The following MLLT3 variants were observed in gnomAD, a reference collection of about 807,000 sequenced individuals.
MLLT3 encodes MLLT3 super elongation complex subunit, also known as protein AF-9.
In MLLT3, 4 loss-of-function variants were observed where a neutral mutation model predicts 53.2. The ratio of observed to expected loss-of-function variants is 0.08; its 90% confidence interval spans 0.04 to 0.17. The LOEUF is 0.17. Among genes scored for constraint, MLLT3 ranks in the 10% least tolerant of loss-of-function variants. The probability of loss-of-function intolerance (pLI) is 1.00; values close to 1 mark genes in which losing one functional copy is unlikely to be tolerated. For missense variants in MLLT3, 569 were observed against 684.0 expected (o/e 0.83, Z 1.87); for synonymous variants, 283 against 230.6 (o/e 1.23, Z -2.06).
rs376592782 is a variant in MLLT3, at chr9:20,360,811, T to C, written c.1362A>G (p.Glu454=). ...GTAGGGGTGAAGAAGCAGAACTGCTTTCACTATCGCTGCCATCACTTAAGC... is the reference window on the plus strand; with the variant it reads ...GTAGGGGTGAAGAAGCAGAACTGCTCTCACTATCGCTGCCATCACTTAAGC... ...RVSLSDGSDS[E]SSSASSPLHH... Residue 454 remains glutamate (E), a synonymous_variant, in exon 8 of 11, where the codon GAA becomes GAG. Transcript: ENST00000380338. 1.2e-6 allele frequency: 2 copies of C among 1,614,058 alleles called. No individual in the cohort carries two copies. Among genetic ancestry groups the C allele is most frequent in the Non-Finnish European group, 1.7e-6 (2 of 1,179,904 alleles).
intron 6 of MLLT3, 96 bp from the exon 7 acceptor site, chr9:20,363,701 G>T: frequency 8.8e-7 from 1 of 1,131,994 alleles, no homozygotes; most frequent in Admixed American, 2.7e-5. Flanking sequence ...ACTGAACACT[G>T]GTTAAAAATA....
intron 2 of MLLT3, among the ~76,000 whole-genome samples, chr9:20,540,387 T>A (rs1431400828): frequency 2.0e-5 from 3 of 152,238 alleles, no homozygotes; most frequent in African/African-American, 7.2e-5. Context: ...GACTTCTGCC[T>A]GGACATCCAG....
At chr9:20,431,890 C>G (rs1486987938) in intron 4 of MLLT3, among the ~76,000 whole-genome samples, 2 of 152,038 alleles carry the variant, frequency 1.3e-5, no homozygotes, top group African/African-American at 2.4e-5. Context: ...TACTATTATA[C>G]CATTTTCATA....
intron 2 of MLLT3, among the ~76,000 whole-genome samples, chr9:20,613,665 T>C (rs1233847988): frequency 1.3e-5 from 2 of 150,780 alleles, no homozygotes; most frequent in African/African-American, 2.4e-5. Flanking sequence ...AAACGGTAAA[T>C]AAATACATAA....
At chr9:20,525,516 A>C (rs1220513659) in intron 2 of MLLT3, among the ~76,000 whole-genome samples, 2 of 152,180 alleles carry the variant, frequency 1.3e-5, no homozygotes, top group East Asian at 3.9e-4. Flanking sequence ...AAAAATAAAG[A>C]CATCTTAGAG....
At position 20,448,302 on chromosome 9, in the gene MLLT3, A is replaced by T; in HGVS notation, c.277-36T>A. 1 of 1,603,394 alleles carries T rather than the reference A, an allele frequency of 6.2e-7. No homozygotes were observed. The highest frequency in any genetic ancestry group is 8.5e-7 in the Non-Finnish European group (1 of 1,175,192). ...ACAAAAATTATGAAAGAAAAAAGAG[A>T]GTGAGGCATAAGTGAAATTTTAAAA... On this transcript the variant is annotated intron_variant, in intron 3 of 10. Transcript: ENST00000380338. This position sits in a 1 kb window ranked among gnomAD's most constrained non-coding sequence, Gnocchi z 4.0.
At chr9:20,383,955 G>A (rs1821967396) in intron 5 of MLLT3, among the ~76,000 whole-genome samples, 1 of 151,872 alleles carries the variant, frequency 6.6e-6, no homozygotes, top group South Asian at 2.1e-4. Flanking sequence ...GAACTGCCTG[G>A]TCAAGTAATA....
At chr9:20,468,719 C>T (rs1824295958) in intron 2 of MLLT3, among the ~76,000 whole-genome samples, 1 of 152,192 alleles carries the variant, frequency 6.6e-6, no homozygotes, top group Admixed American at 6.5e-5. Context: ...AAGCCAGCTT[C>T]CATTTCAGAG....
chr9:20,403,116 T>TA (rs1822496932), intron 5 of MLLT3, among the ~76,000 whole-genome samples: 2 of 149,466 alleles, frequency 1.3e-5, no homozygotes, highest in African/African-American at 5.1e-5. Flanking sequence ...GGGCCCCCTT[T>TA]TAAAAAAAAA....
chr9:20,465,765 G>A (rs1824223883), intron 2 of MLLT3, among the ~76,000 whole-genome samples: 1 of 151,992 alleles, frequency 6.6e-6, no homozygotes, highest in Admixed American at 6.6e-5. Flanking sequence ...TTTCCCCCCT[G>A]CATGGCATTT....
rs760256838 is a variant in MLLT3 at position 20,521,499 on chromosome 9, T to G, written c.194-64713A>C. Among the ~76,000 whole-genome samples the G allele has an allele frequency of 7.4e-4, 112 of 151,830 alleles. 1 individual carries two copies. The highest frequency in any genetic ancestry group is 6.8e-3 in the Middle Eastern group (2 of 292). On this transcript the variant is annotated intron_variant, in intron 2 of 10. Transcript: ENST00000380338. The stretch of plus-strand genomic sequence containing the variant: ...GTGTGTGTGTGTAAATGAGAGAAAA[T>G]GGATGTGAAATGAGTTCAAAACCCT...
chr9:20,550,867 C>A (rs1818908827), intron 2 of MLLT3, among the ~76,000 whole-genome samples: 2 of 152,220 alleles, frequency 1.3e-5, no homozygotes, highest in South Asian at 4.1e-4. Flanking sequence ...AAGCAATCCT[C>A]CCACCTCAGC....
At chr9:20,549,273 C>A (rs1477956951) in intron 2 of MLLT3, among the ~76,000 whole-genome samples, 3 of 152,208 alleles carry the variant, frequency 2.0e-5, no homozygotes, top group Admixed American at 2.0e-4. Context: ...TTTGTGTGAG[C>A]CAAAACACTG....
At chr9:20,470,689 T>C (rs961391546) in intron 2 of MLLT3, among the ~76,000 whole-genome samples, 1 of 151,986 alleles carries the variant, frequency 6.6e-6, no homozygotes, top group Non-Finnish European at 1.5e-5. Flanking sequence ...TCCTGGGATG[T>C]CAAGTACTAT....
chr9:20,412,792 A>C (rs1822762681), intron 5 of MLLT3, among the ~76,000 whole-genome samples: 1 of 152,242 alleles, frequency 6.6e-6, no homozygotes, highest in Non-Finnish European at 1.5e-5. Context: ...ATAGTGAAGT[A>C]AGGAGATAAC....
At position 20,413,950 on chromosome 9, in the gene MLLT3, T is replaced by C. The variant is rs1822797407; in HGVS notation, c.896A>G (p.Lys299Arg). ...AAATAAAGCCTCTGAGCTACTCTTT[T>C]TCCTTTTTTTGGCTGAGAGTTCTTC... is the stretch of plus-strand genomic sequence containing the variant. The part of the protein sequence containing the change: ...DSEELSAKKR[K>R]KSSSEALFKS... The change falls in exon 5 of 11, where the codon AAA becomes AGA. Residue 299 changes from lysine to arginine, a missense_variant. By Grantham distance (26) the Lys-to-Arg change is conservative (BLOSUM62 2). Transcript: ENST00000380338. 6.2e-7 allele frequency: 1 copy of C among 1,613,588 alleles called. No individual in the cohort carries two copies.
At chr9:20,430,504 A>T (rs1823238877) in intron 4 of MLLT3, among the ~76,000 whole-genome samples, 1 of 152,140 alleles carries the variant, frequency 6.6e-6, no homozygotes, top group African/African-American at 2.4e-5. Context: ...GACATGGCGG[A>T]TCATTGATAA....
rs118181150 is a variant in MLLT3 at position 20,357,665 on chromosome 9, C to T, written c.1432-2786G>A. On this transcript the variant is annotated intron_variant, in intron 8 of 10. Transcript: ENST00000380338. Reference sequence around the variant, plus strand: ...AATTACTTGCTTGGTTGACGTGTGACTCTATGTTCACTTTTATTCAGTATG... The same window carrying T: ...AATTACTTGCTTGGTTGACGTGTGATTCTATGTTCACTTTTATTCAGTATG... 8.9e-3 allele frequency among the ~76,000 whole-genome samples: 1,352 copies of T among 152,286 alleles called. 8 individuals carry two copies. The highest frequency in any genetic ancestry group is 0.013 in the Non-Finnish European group (854 of 68,022).
intron 2 of MLLT3, among the ~76,000 whole-genome samples, chr9:20,525,064 A>T (rs893712165): frequency 1.3e-5 from 2 of 151,186 alleles, no homozygotes; most frequent in South Asian, 2.1e-4. Flanking sequence ...AAGGGATGAG[A>T]AGTATAAGGA....
Sources: allele counts gnomAD v4.1 joint callset (sites outside exome capture counted in the v4.1 genomes callset), GRCh38; gene constraint gnomAD v4.1.1; non-coding constraint Gnocchi (gnomAD v3.1); transcripts MANE v1.5; gene names NCBI Gene and HGNC (gene_info 2026-07-23, HGNC 2026-07-21).